GPR26: variants seen among roughly 807,000 people sequenced by gnomAD.
GPR26 encodes the protein G protein-coupled receptor 26.
Under a neutral mutation model 23.1 loss-of-function variants are expected in GPR26, and 15 were observed. The observed-to-expected ratio is 0.65, with a 90% CI of 0.43 to 1.00. The LOEUF (loss-of-function observed/expected upper bound fraction) is 1.00. Among genes scored for constraint, GPR26 ranks in the 50% least tolerant of loss-of-function variants. GPR26 has a pLI of 0.00. For missense variants in GPR26, 359 were observed against 470.5 expected (o/e 0.76, Z 2.19); for synonymous variants, 228 against 222.1 (o/e 1.03, Z -0.24).
chr10:123,666,494 C>A lies in GPR26; in HGVS notation c.87C>A (p.Cys29Ter). The A allele has an allele frequency of 6.4e-7, 1 of 1,569,002 alleles. No homozygotes were observed. ...SLLSNALVLLCLLHSADIRRQ... is the reference protein window; with the variant it reads ...SLLSNALVLL ...TGTCCAACGCGCTGGTGCTGCTCTG[C>A]CTGCTGCACAGCGCGGACATCCGCC... The change falls in exon 1 of 3, where the codon TGC becomes TGA. Residue 29 changes from cysteine (C) to a stop codon, truncating the protein, a stop_gained. Transcript: ENST00000284674. LOFTEE classifies it high-confidence loss of function.
chr10:123,667,389 C>T (rs562305478), intron 1 of GPR26, among the ~76,000 whole-genome samples: 2 of 152,314 alleles, frequency 1.3e-5, no homozygotes, highest in African/African-American at 4.8e-5. Context: ...TTAAATGGCA[C>T]ATGGGAAGTC....
At chr10:123,669,508 G>A (rs907582371) in intron 1 of GPR26, among the ~76,000 whole-genome samples, 3 of 152,218 alleles carry the variant, frequency 2.0e-5, no homozygotes, top group Non-Finnish European at 4.4e-5. Context: ...GAGCCTGTAG[G>A]ACCCAGGAGT....
chr10:123,673,023 CATATT>C (rs1170943666), intron 1 of GPR26, among the ~76,000 whole-genome samples: 1 of 152,136 alleles, frequency 6.6e-6, no homozygotes, highest in African/African-American at 2.4e-5. Context: ...GCATGGCACA[CATATT>C]ATAGACTCAA....
chr10:123,673,446 C>G (rs1845273109), intron 1 of GPR26, among the ~76,000 whole-genome samples: 1 of 152,196 alleles, frequency 6.6e-6, no homozygotes, highest in African/African-American at 2.4e-5. Context: ...TTGGCACTGC[C>G]AAGTTATCTT....
At chr10:123,684,388 G>A (rs898118291) in intron 2 of GPR26, among the ~76,000 whole-genome samples, 15 of 152,136 alleles carry the variant, frequency 9.9e-5, no homozygotes, top group Non-Finnish European at 1.0e-4. Flanking sequence ...GGGGTCCCCA[G>A]AACAACCACA....
chr10:123,694,558 C>T lies in GPR26; in HGVS notation c.*6398C>T, dbSNP rs1845522156. 1 of 142,794 alleles carries T rather than the reference C, an allele frequency of 7.0e-6. No individual in the cohort carries two copies. Among genetic ancestry groups the T allele is most frequent in the African/African-American group, 2.6e-5 (1 of 38,278 alleles). The allele number at this position is 142,794 out of a possible 1,614,324, so 8.8% of individuals were successfully genotyped here. ...AAAAGAAATAAGAAGAGAAGCAAGACAGAAAAGAAGGAAGAGAGAAGGAAG... is the reference window on the plus strand; with the variant it reads ...AAAAGAAATAAGAAGAGAAGCAAGATAGAAAAGAAGGAAGAGAGAAGGAAG... On this transcript the variant is annotated 3_prime_UTR_variant, in exon 3 of 3. Transcript: ENST00000284674.
At chr10:123,685,338 C>T (rs867033584) in intron 2 of GPR26, among the ~76,000 whole-genome samples, 4 of 152,234 alleles carry the variant, frequency 2.6e-5, no homozygotes, top group South Asian at 2.1e-4. Flanking sequence ...GTGGCAATAT[C>T]GAAACCCTTG....
intron 2 of GPR26, among the ~76,000 whole-genome samples, chr10:123,677,315 A>G (rs937884403): frequency 1.3e-5 from 2 of 152,208 alleles, no homozygotes; most frequent in African/African-American, 4.8e-5. Context: ...TTTTAAAAAC[A>G]TTCACAGAAC....
chr10:123,679,440 A>G (rs1845344598), intron 2 of GPR26, among the ~76,000 whole-genome samples: 1 of 152,184 alleles, frequency 6.6e-6, no homozygotes, highest in Non-Finnish European at 1.5e-5. Flanking sequence ...AGAGCTTTAC[A>G]TCCAAATCCA....
chr10:123,681,417 C>G lies in GPR26; in HGVS notation c.782+6486C>G, dbSNP rs34692198. 1.1e-4 allele frequency among the ~76,000 whole-genome samples: 17 copies of G among 152,358 alleles called. No homozygotes were observed. In the East Asian group the frequency reaches 3.3e-3, roughly 29 times the overall value. Reference sequence around the variant, plus strand: ...CTGAAACCAAGTTGTTCATGTGTCACTTACACCCTTCATTGAGCTGTCAGC... The same window carrying G: ...CTGAAACCAAGTTGTTCATGTGTCAGTTACACCCTTCATTGAGCTGTCAGC... On this transcript the variant is annotated intron_variant, in intron 2 of 2. Transcript: ENST00000284674.
chr10:123,679,822 C>T (rs923317301), intron 2 of GPR26, among the ~76,000 whole-genome samples: 1 of 152,144 alleles, frequency 6.6e-6, no homozygotes, highest in Non-Finnish European at 1.5e-5. Context: ...TCCCAAACCC[C>T]TTCCCCAGGA....
chr10:123,684,389 A>C (rs570986136), intron 2 of GPR26, among the ~76,000 whole-genome samples: 36 of 152,222 alleles, frequency 2.4e-4, no homozygotes, highest in Non-Finnish European at 4.7e-4. Context: ...GGGTCCCCAG[A>C]ACAACCACAC....
intron 1 of GPR26, among the ~76,000 whole-genome samples, chr10:123,667,309 T>G (rs1845198395): frequency 6.6e-6 from 1 of 152,150 alleles, no homozygotes; most frequent in Non-Finnish European, 1.5e-5. Context: ...AGCATCAGGG[T>G]AGAAATCACA....
At chr10:123,678,517 C>T (rs1341587757) in intron 2 of GPR26, among the ~76,000 whole-genome samples, 1 of 152,180 alleles carries the variant, frequency 6.6e-6, no homozygotes, top group Non-Finnish European at 1.5e-5. Context: ...GACATCAGAC[C>T]CTGAAACAAG....
At chr10:123,685,424 G>A (rs542034293) in intron 2 of GPR26, among the ~76,000 whole-genome samples, 73 of 152,330 alleles carry the variant, frequency 4.8e-4, no homozygotes, top group African/African-American at 1.3e-3. Flanking sequence ...GCCACGGCAG[G>A]CGCAGGGAAC....
chr10:123,677,943 T>A lies in GPR26; in HGVS notation c.782+3012T>A, dbSNP rs78965249. ...GAGACTTAGCATGACACACTCTATA[T>A]ATGAAATTAATACATTTTTGGCCAG... On this transcript the variant is annotated intron_variant, in intron 2 of 2. Transcript: ENST00000284674. Among the ~76,000 whole-genome samples, 839 of 152,248 alleles carry A rather than the reference T, an allele frequency of 5.5e-3. 7 individuals carry two copies. Among genetic ancestry groups the A allele is most frequent in the African/African-American group, 0.019 (808 of 41,526 alleles).
Position 123,688,054 on chromosome 10 carries a change from A to G in GPR26, c.908A>G (p.Lys303Arg). The change falls in exon 3 of 3, where the codon AAA (lysine) becomes AGA (arginine). Residue 303 changes from lysine (K) to arginine (R), a missense_variant. Physicochemically the swap from Lys to Arg is conservative, Grantham distance 26. Coordinates refer to ENST00000284674, the MANE Select transcript of GPR26 (RefSeq NM_153442.4). Reference sequence around the variant, plus strand: ...TCCTTACTGCGACACCAGTACCGCAAAAGCTGCAAGGAGATTCTGAACAGG... The same window carrying G: ...TCCTTACTGCGACACCAGTACCGCAGAAGCTGCAAGGAGATTCTGAACAGG... ...VYSLLRHQYR[K>R]SCKEILNRLL... 1 of 1,614,136 alleles carries G rather than the reference A, an allele frequency of 6.2e-7. No homozygotes were observed. The highest frequency in any genetic ancestry group is 1.1e-5 in the South Asian group (1 of 91,088).
In GPR26 at chr10:123,696,049, C is replaced by T. The variant is rs1195595010; in HGVS notation, c.*7889C>T. Among the ~76,000 whole-genome samples the T allele has an allele frequency of 2.6e-5, 4 of 152,170 alleles. No individual in the cohort carries two copies. On this transcript the variant is annotated 3_prime_UTR_variant, in exon 3 of 3. Coordinates refer to ENST00000284674, the MANE Select transcript of GPR26 (RefSeq NM_153442.4). Reference sequence around the variant, plus strand: ...AGGCCAGATTTAATTTTCACAGGCTCATCTGGGAGAAGGATCAAATCCTGC... The same window carrying T: ...AGGCCAGATTTAATTTTCACAGGCTTATCTGGGAGAAGGATCAAATCCTGC...
At chr10:123,672,765 T>C (rs1472581726) in intron 1 of GPR26, among the ~76,000 whole-genome samples, 1 of 152,218 alleles carries the variant, frequency 6.6e-6, no homozygotes, top group Admixed American at 6.5e-5. Flanking sequence ...TTCTCAGATC[T>C]GAGCCTTTTC....
Sources: gnomAD v4.1 joint callset for allele counts (sites outside exome capture counted in the v4.1 genomes callset) on GRCh38, gnomAD v4.1.1 for gene constraint, MANE v1.5 for transcripts, NCBI Gene and HGNC (gene_info 2026-07-23, HGNC 2026-07-21) for gene names.